The following RAB3C variants were observed in gnomAD, a reference collection of about 807,000 sequenced individuals.
The protein encoded by RAB3C is RAB3C, member RAS oncogene family.
In RAB3C, 17 loss-of-function variants were observed where a neutral mutation model predicts 26.4. The ratio of observed to expected loss-of-function variants is 0.64; its 90% CI spans 0.44 to 0.97. RAB3C has a LOEUF of 0.97. RAB3C is among the 50% of genes least tolerant of loss of function. The pLI, the probability that RAB3C is intolerant of heterozygous loss-of-function variation, is 0.00. For synonymous variants in RAB3C, 91 were observed against 95.9 expected (o/e 0.95, Z 0.30); for missense variants, 242 against 281.9 (o/e 0.86, Z 1.01).
rs535641696 is a variant in RAB3C at position 58,662,958 on chromosome 5, C to A, written c.252+45088C>A. Among the ~76,000 whole-genome samples, 6 of 150,412 alleles carry A rather than the reference C, an allele frequency of 4.0e-5. No homozygotes were observed. In the East Asian group the frequency reaches 7.7e-4, roughly 19 times the overall value. On this transcript the variant is annotated intron_variant, in intron 2 of 4. Transcript: ENST00000282878. ...GTTTTAACACAATGAAGGCTATGATCCTGTCAATGTTGTATCTTCTTCCCT... is the reference window on the plus strand; with the variant it reads ...GTTTTAACACAATGAAGGCTATGATACTGTCAATGTTGTATCTTCTTCCCT...
chr5:58,774,366 AC>A (rs936904239), intron 3 of RAB3C, among the ~76,000 whole-genome samples: 2 of 151,910 alleles, frequency 1.3e-5, no homozygotes, highest in African/African-American at 4.8e-5. Context: ...TCATTTATAT[AC>A]CCTTTCTTCT....
At chr5:58,605,689 G>T (rs931308890) in intron 1 of RAB3C, among the ~76,000 whole-genome samples, 8 of 152,296 alleles carry the variant, frequency 5.3e-5, no homozygotes, top group Non-Finnish European at 8.8e-5. Context: ...CTTGAGGTCA[G>T]GAGTTCAAGA....
rs946459326 is a variant in RAB3C, at chr5:58,856,651, C to T, written c.*5300C>T. The T allele has an allele frequency of 1.3e-5, 2 of 152,118 alleles. No individual in the cohort carries two copies. The highest frequency in any genetic ancestry group is 2.9e-5 in the Non-Finnish European group (2 of 68,018). The allele number at this position is 152,118 out of a possible 1,614,324, so 9.4% of individuals were successfully genotyped here. The stretch of plus-strand genomic sequence containing the variant: ...GTGAGAGTTGGCTGTGGCTTTATTT[C>T]TTGAGGCAAATTATTTTGCATTCAT... On this transcript the variant is annotated 3_prime_UTR_variant, in exon 5 of 5. Coordinates refer to ENST00000282878, the MANE Select transcript of RAB3C (RefSeq NM_138453.4).
chr5:58,834,145 A>G (rs17359134), intron 4 of RAB3C, among the ~76,000 whole-genome samples: 5,975 of 152,316 alleles, frequency 0.039, 154 homozygotes, highest in Non-Finnish European at 0.056. Flanking sequence ...TGGTTCACAC[A>G]CATTTATAGC....
chr5:58,606,973 G>T (rs575908697), intron 1 of RAB3C, among the ~76,000 whole-genome samples: 33 of 152,160 alleles, frequency 2.2e-4, no homozygotes, highest in Non-Finnish European at 4.7e-4. Flanking sequence ...GAGCAGAAAA[G>T]CTGAAAATTC....
chr5:58,699,109 T>G (rs1159292806), intron 2 of RAB3C, among the ~76,000 whole-genome samples: 2 of 152,210 alleles, frequency 1.3e-5, no homozygotes, highest in Non-Finnish European at 2.9e-5. Flanking sequence ...ACATGGGGTT[T>G]TGGTGTAGAT....
intron 2 of RAB3C, among the ~76,000 whole-genome samples, chr5:58,683,325 T>TTATATA (rs1453801024): frequency 1.3e-5 from 2 of 152,214 alleles, no homozygotes; most frequent in Admixed American, 6.5e-5. Flanking sequence ...ATACTTTTCC[T>TTATATA]CCTGGTCTGC....
At chr5:58,822,591 C>T (rs1743368276) in intron 3 of RAB3C, 1 of 268,588 alleles carries the variant, frequency 3.7e-6, no homozygotes, top group Non-Finnish European at 7.5e-6. Flanking sequence ...GAACTGATTA[C>T]TATACTCAGA....
At chr5:58,744,972 C>A (rs1331008481) in intron 3 of RAB3C, among the ~76,000 whole-genome samples, 1 of 152,076 alleles carries the variant, frequency 6.6e-6, no homozygotes, top group Non-Finnish European at 1.5e-5. Flanking sequence ...GGGGAATCAA[C>A]CTTTGTCCCT....
chr5:58,685,032 A>C (rs1748415515), intron 2 of RAB3C, among the ~76,000 whole-genome samples: 1 of 152,186 alleles, frequency 6.6e-6, no homozygotes, highest in Admixed American at 6.5e-5. Flanking sequence ...TTTTTACTTA[A>C]AAAGAGAAAT....
intron 2 of RAB3C, among the ~76,000 whole-genome samples, chr5:58,700,345 T>C (rs10050731): frequency 6.6e-6 from 1 of 152,212 alleles, no homozygotes; most frequent in South Asian, 2.1e-4. Context: ...ATTCTCTACA[T>C]GTTCACGTTC....
intron 2 of RAB3C, among the ~76,000 whole-genome samples, chr5:58,721,642 G>T (rs1353878075): frequency 1.3e-5 from 2 of 151,586 alleles, no homozygotes; most frequent in African/African-American, 2.4e-5. Context: ...TTTTCTTCCT[G>T]ATATAACGGA....
chr5:58,827,831 A>T (rs1185956146), intron 4 of RAB3C, among the ~76,000 whole-genome samples: 2 of 152,218 alleles, frequency 1.3e-5, no homozygotes, highest in East Asian at 1.9e-4. Context: ...TTGTATTTTT[A>T]AAAAATGCTC....
At chr5:58,766,142 T>A (rs935758894) in intron 3 of RAB3C, among the ~76,000 whole-genome samples, 11 of 149,590 alleles carry the variant, frequency 7.4e-5, no homozygotes, top group African/African-American at 2.7e-4. Flanking sequence ...TTTTGAGATG[T>A]AGTCTCGCTC....
chr5:58,844,123 G>A (rs1209920291), intron 4 of RAB3C, among the ~76,000 whole-genome samples: 3 of 152,188 alleles, frequency 2.0e-5, no homozygotes, highest in African/African-American at 7.2e-5. Context: ...GGTGGTCAAG[G>A]AATGAGGGGT....
At chr5:58,662,741 G>A (rs868548066) in intron 2 of RAB3C, among the ~76,000 whole-genome samples, 1 of 150,238 alleles carries the variant, frequency 6.7e-6, no homozygotes, top group African/African-American at 2.5e-5. Context: ...CAGACAAAAA[G>A]TAAGCTGTGG....
chr5:58,657,973 T>G (rs1008977083), intron 2 of RAB3C, among the ~76,000 whole-genome samples: 5 of 152,134 alleles, frequency 3.3e-5, no homozygotes, highest in Admixed American at 2.0e-4. Context: ...AGAATAAAAA[T>G]TAGCTACGTT....
chr5:58,628,253 A>C (rs1229824121), intron 2 of RAB3C, among the ~76,000 whole-genome samples: 7 of 151,912 alleles, frequency 4.6e-5, no homozygotes, highest in African/African-American at 1.7e-4. Context: ...AATAAAAAAG[A>C]GTTGAAGTAG....
chr5:58,779,102 G>A (rs192563873), intron 3 of RAB3C, among the ~76,000 whole-genome samples: 3 of 151,970 alleles, frequency 2.0e-5, no homozygotes, highest in East Asian at 1.9e-4. Context: ...TTCAACTACC[G>A]GCAGCCCAGA....
Sources: allele counts gnomAD v4.1 joint callset (sites outside exome capture counted in the v4.1 genomes callset), GRCh38; gene constraint gnomAD v4.1.1; transcripts MANE v1.5; gene names NCBI Gene and HGNC (gene_info 2026-07-23, HGNC 2026-07-21).